PTPRQ: variants seen among roughly 807,000 people sequenced by gnomAD.
PTPRQ encodes protein tyrosine phosphatase receptor type Q.
A neutral mutation model predicts 246.0 loss-of-function variants in PTPRQ; 199 were observed. The observed-to-expected ratio is 0.81, with a 90% confidence interval of 0.72 to 0.91. The LOEUF (loss-of-function observed/expected upper bound fraction) is 0.91, where lower values mean the gene tolerates loss of function less well. Ranked by LOEUF, PTPRQ falls within the 40% of genes least tolerant of loss-of-function variation. PTPRQ has a pLI of 0.00. For synonymous variants in PTPRQ, 869 were observed against 853.2 expected, an observed-to-expected ratio of 1.02 and a Z score of -0.32; for missense variants, 2,624 against 2,528.4, an observed-to-expected ratio of 1.04 and a Z score of -0.81.
chr12:80,493,383 T>C lies in PTPRQ; in HGVS notation c.1468T>C (p.Phe490Leu). 2.6e-6 allele frequency: 4 copies of C among 1,550,218 alleles called. No individual in the cohort carries two copies. Among genetic ancestry groups the C allele is most frequent in the Non-Finnish European group, 3.5e-6 (4 of 1,145,982 alleles). ...MSSDLHSLAT[F>L]IYNSHPDKNF... ...GTCTGACCTTCACTCACTTGCTACA[T>C]TTATATATAACAGCCATCCAGATAA... Residue 490 changes from phenylalanine (F) to leucine (L), a missense_variant, in exon 10 of 45, where the codon TTT (phenylalanine) becomes CTT (leucine). Coordinates refer to ENST00000644991, the MANE Select transcript of PTPRQ (RefSeq NM_001145026.2).
At chr12:80,654,133 T>C (rs1227582361) in intron 38 of PTPRQ, among the ~76,000 whole-genome samples, 2 of 152,126 alleles carry the variant, frequency 1.3e-5, no homozygotes, top group African/African-American at 4.8e-5. Flanking sequence ...TTTGATCTTG[T>C]TGTCCAGGCT....
At chr12:80,561,361 T>C (rs1183724234) in intron 25 of PTPRQ, 2 of 152,560 alleles carry the variant, frequency 1.3e-5, no homozygotes, top group African/African-American at 4.8e-5. Flanking sequence ...AAAAATCTGC[T>C]CTGGCTGGGA....
chr12:80,525,654 GTCTCTCTCTCTC>G (rs71816551), intron 17 of PTPRQ, among the ~76,000 whole-genome samples: 2 of 147,292 alleles, frequency 1.4e-5, no homozygotes, highest in African/African-American at 2.5e-5. Flanking sequence ...CTCTCTCTCT[GTCTCTCTCTCTC>G]TCTCTCTCTC....
intron 26 of PTPRQ, among the ~76,000 whole-genome samples, chr12:80,596,818 T>A (rs1473127932): frequency 6.6e-6 from 1 of 152,062 alleles, no homozygotes; most frequent in African/African-American, 2.4e-5. Flanking sequence ...TTACTATGTA[T>A]GGTGTCTTGG....
rs544606979 is a variant in PTPRQ at position 80,628,202 on chromosome 12, T to TA, written c.5687-3983dup. Among the ~76,000 whole-genome samples the TA allele has an allele frequency of 3.9e-4, 60 of 152,186 alleles. 1 individual carries two copies. The East Asian group carries it at 0.01, about 25-fold the overall frequency. On this transcript the variant is annotated intron_variant, in intron 33 of 44. Coordinates refer to ENST00000644991, the MANE Select transcript of PTPRQ (RefSeq NM_001145026.2). ...ATCAAACCGTTCGTATTTTAATGTATAAAAAAATGTACCTAAAATACTTTA... is the reference window on the plus strand; with the variant it reads ...ATCAAACCGTTCGTATTTTAATGTATAAAAAAAATGTACCTAAAATACTTTA...
In PTPRQ at chr12:80,658,047, GC is replaced by G; in HGVS notation, c.6180del (p.Ser2061AlafsTer38). Reference protein sequence around the residue: ...ASVPGSDYINASYISGYLCPN... With the variant: ...ASVPGSDYINXSYISGYLCPN... The stretch of plus-strand genomic sequence containing the variant: ...TGTTCCAGGTTCGGATTATATTAAT[GC>G]CAGCTATATTTCTGTAAGTTACTAT... On this transcript the variant is annotated frameshift_variant, in exon 39 of 45. Transcript: ENST00000644991. LOFTEE classifies it high-confidence loss of function. The G allele has an allele frequency of 1.4e-6, 2 of 1,406,550 alleles. No individual in the cohort carries two copies. Among genetic ancestry groups the G allele is most frequent in the South Asian group, 1.8e-5 (1 of 56,888 alleles). 87.1% of individuals were successfully genotyped at this position (1,406,550 alleles called of 1,614,324 possible).
chr12:80,651,309 T>A (rs1900250670), intron 37 of PTPRQ, among the ~76,000 whole-genome samples: 1 of 152,066 alleles, frequency 6.6e-6, no homozygotes, highest in Non-Finnish European at 1.5e-5. Context: ...AATTGCAAAT[T>A]TACTGTATCT....
chr12:80,555,481 A>C (rs2120895186), intron 25 of PTPRQ, among the ~76,000 whole-genome samples: 1 of 152,328 alleles, frequency 6.6e-6, no homozygotes, highest in East Asian at 1.9e-4. Context: ...AAATTAGTGC[A>C]CTAAATCAAA....
At chr12:80,575,831 C>G (rs891533280) in intron 25 of PTPRQ, among the ~76,000 whole-genome samples, 2 of 145,324 alleles carry the variant, frequency 1.4e-5, no homozygotes, top group Admixed American at 6.8e-5. Flanking sequence ...AAGAGCGAAA[C>G]CCCATCTCAA....
At chr12:80,590,317 A>G (rs1223015391) in intron 26 of PTPRQ, among the ~76,000 whole-genome samples, 1 of 152,078 alleles carries the variant, frequency 6.6e-6, no homozygotes, top group Non-Finnish European at 1.5e-5. Context: ...CTAGCCTCCT[A>G]CACTGCCAGA....
chr12:80,472,627 C>T (rs1046007662), intron 8 of PTPRQ, among the ~76,000 whole-genome samples: 1 of 152,120 alleles, frequency 6.6e-6, no homozygotes, highest in African/African-American at 2.4e-5. Flanking sequence ...AGAAGAATTC[C>T]TATACTCCCA....
chr12:80,465,191 G>T (rs1893350542), intron 6 of PTPRQ: 1 of 151,416 alleles, frequency 6.6e-6, no homozygotes, highest in African/African-American at 2.4e-5. Context: ...TGATCCCACA[G>T]AAATACAAAC....
chr12:80,474,353 T>A (rs1055160489), intron 8 of PTPRQ, among the ~76,000 whole-genome samples: 4 of 152,216 alleles, frequency 2.6e-5, no homozygotes, highest in South Asian at 4.1e-4. Flanking sequence ...TTGCTTCTTT[T>A]AAATTACCTT....
chr12:80,569,690 A>C (rs889875281), intron 25 of PTPRQ, among the ~76,000 whole-genome samples: 1 of 151,908 alleles, frequency 6.6e-6, no homozygotes, highest in Non-Finnish European at 1.5e-5. Flanking sequence ...TGCCGCCATC[A>C]AACCGTCATC....
chr12:80,525,879 T>C (rs1213865598), intron 17 of PTPRQ: 1 of 152,150 alleles, frequency 6.6e-6, no homozygotes, highest in Non-Finnish European at 1.5e-5. Flanking sequence ...TTTCTATAAT[T>C]CTCATAACAT....
At chr12:80,560,116 A>C (rs1018894788) in intron 25 of PTPRQ, among the ~76,000 whole-genome samples, 1 of 152,200 alleles carries the variant, frequency 6.6e-6, no homozygotes, top group African/African-American at 2.4e-5. Flanking sequence ...CCCAAGTAAG[A>C]GTGCCACTGG....
chr12:80,612,715 A>G (rs1294329462), intron 28 of PTPRQ, among the ~76,000 whole-genome samples: 4 of 150,462 alleles, frequency 2.7e-5, no homozygotes, highest in Non-Finnish European at 6.0e-5. Context: ...AATTATGCTC[A>G]CACAAACATC....
chr12:80,669,179 C>A, intron 40 of PTPRQ, 38 bp downstream of exon 40: 1 of 1,538,232 alleles, frequency 6.5e-7, no homozygotes, highest in Non-Finnish European at 8.8e-7. Flanking sequence ...TGTTGTTTTA[C>A]GATTGTGTTA....
Position 80,673,240 on chromosome 12 carries a change from T to C in PTPRQ, c.6674T>C (p.Phe2225Ser). ...ACACAACATATAAATGACCATGATT[T>C]TGTGGATATATATGGACTAGTAGCT... The part of the protein sequence containing the change: ...HLTQHINDHD[F>S]VDIYGLVAEL... The change falls in exon 43 of 45, where the codon TTT becomes TCT. Residue 2225 changes from phenylalanine (F) to serine (S), a missense_variant. Transcript: ENST00000644991. 6.4e-7 allele frequency: 1 copy of C among 1,550,930 alleles called. No homozygotes were observed. Among genetic ancestry groups the C allele is most frequent in the African/African-American group, 1.4e-5 (1 of 73,114 alleles).
Sources: allele counts gnomAD v4.1 joint callset (sites outside exome capture counted in the v4.1 genomes callset), GRCh38; gene constraint gnomAD v4.1.1; transcripts MANE v1.5; gene names NCBI Gene and HGNC (gene_info 2026-07-23, HGNC 2026-07-21).